Variants in IKBKB observed in about 807,000 individuals in gnomAD.
IKBKB encodes the protein inhibitor of nuclear factor kappa-B kinase subunit beta.
A neutral mutation model predicts 113.6 loss-of-function variants in IKBKB; 42 were observed. That is an observed-to-expected ratio of 0.37 (90% CI 0.29 to 0.48). The LOEUF (loss-of-function observed/expected upper bound fraction) is 0.48. Ranked by LOEUF, IKBKB falls within the 20% of genes least tolerant of loss-of-function variation. The probability of loss-of-function intolerance (pLI) is 0.99; values close to 1 mark genes in which losing one functional copy is unlikely to be tolerated. For missense variants in IKBKB, 673 were observed against 939.7 expected (o/e 0.72, Z 3.71); for synonymous variants, 296 against 361.3 (o/e 0.82, Z 2.05).
chr8:42,319,002 G>A (rs573849532), intron 13 of IKBKB: 15 of 553,094 alleles, frequency 2.7e-5, no homozygotes, highest in South Asian at 1.3e-4. Context: ...GGGGACTTAC[G>A]GACTCTTTCC....
At position 42,316,314 on chromosome 8, in the gene IKBKB, C is replaced by T. The variant is rs1453303207; in HGVS notation, c.905C>T (p.Ala302Val). The T allele has an allele frequency of 3.1e-6, 5 of 1,614,092 alleles. No homozygotes were observed. The East Asian group carries it at 1.1e-4, about 36-fold the overall frequency. Residue 302 changes from alanine to valine, a missense_variant, in exon 10 of 22, where the codon GCC (alanine) becomes GTC (valine). By Grantham distance (64) the Ala-to-Val change is moderately conservative. Coordinates refer to ENST00000520810, the MANE Select transcript of IKBKB (RefSeq NM_001556.3). This position sits in a 1 kb window ranked among gnomAD's most constrained non-coding sequence, Gnocchi z 4.5. ...TATGGGCCCAATGGCTGCTTCAAGG[C>T]CCTGGATGACATCTTAAACTTAAAG... Reference protein sequence around the residue: ...PTYGPNGCFKALDDILNLKLV... With the variant: ...PTYGPNGCFKVLDDILNLKLV...
chr8:42,276,860 ATTTT>A (rs764463407), intron 2 of IKBKB, among the ~76,000 whole-genome samples: 1 of 101,580 alleles, frequency 9.8e-6, no homozygotes. Flanking sequence ...CACCCGGCTA[ATTTT>A]TTTTTTTTTT....
intron 5 of IKBKB, among the ~76,000 whole-genome samples, chr8:42,293,826 A>G (rs139231452): frequency 1.3e-5 from 2 of 152,254 alleles, no homozygotes; most frequent in East Asian, 3.9e-4. Context: ...CCGGCGCTGG[A>G]ATAAGTTGTC....
In IKBKB at chr8:42,300,711, C is replaced by T. The variant is rs559417421; in HGVS notation, c.389-4476C>T. Among the ~76,000 whole-genome samples the T allele has an allele frequency of 3.9e-5, 6 of 152,292 alleles. No homozygotes were observed. The East Asian group carries it at 7.7e-4, about 20-fold the overall frequency. ...AAAGGCTGGGGTTACCACCGGGGCA[C>T]GGCTTCTGAGGAGGGTGAGAGAAGG... On this transcript the variant is annotated intron_variant, in intron 5 of 21. Coordinates refer to ENST00000520810, the MANE Select transcript of IKBKB (RefSeq NM_001556.3).
chr8:42,308,984 G>A lies in IKBKB; in HGVS notation c.651G>A (p.Thr217=), dbSNP rs1280519569. The change falls in exon 8 of 22, where the codon ACG becomes ACA. Residue 217 remains threonine (T), a synonymous_variant. Transcript: ENST00000520810. ...SFGTLAFECI[T]GFRPFLPNWQ... is the part of the protein sequence containing the mutation. ...GCACCCTGGCCTTTGAGTGCATCAC[G>A]GGCTTCCGGCCCTTCCTCCCCAACT... 8 of 1,614,202 alleles carry A rather than the reference G, an allele frequency of 5.0e-6. No individual in the cohort carries two copies. Among genetic ancestry groups the A allele is most frequent in the Admixed American group, 1.7e-5 (1 of 60,024 alleles).
chr8:42,305,786 T>C (rs1816397928), intron 6 of IKBKB, among the ~76,000 whole-genome samples: 1 of 152,204 alleles, frequency 6.6e-6, no homozygotes, highest in Non-Finnish European at 1.5e-5. Context: ...AAGCTTGACA[T>C]TGTGGTCTTT....
chr8:42,275,222 T>C (rs1000474651), intron 2 of IKBKB, among the ~76,000 whole-genome samples: 3 of 151,206 alleles, frequency 2.0e-5, no homozygotes, highest in Non-Finnish European at 4.4e-5. Flanking sequence ...AGGGTCTCAA[T>C]CTGTCATCCA....
At position 42,319,415 on chromosome 8, in the gene IKBKB, G is replaced by A; in HGVS notation, c.1510G>A (p.Gly504Arg). ...LEKYSEQTEF[G>R]ITSDKLLLAW... ...GAAGTACAGCGAGCAAACCGAGTTTGGGATCAGTGAGTGTGCACTTTGCAA... is the reference window on the plus strand; with the variant it reads ...GAAGTACAGCGAGCAAACCGAGTTTAGGATCAGTGAGTGTGCACTTTGCAA... Residue 504 changes from glycine to arginine, a missense_variant, in exon 14 of 22, where the codon GGG becomes AGG. Coordinates refer to ENST00000520810, the MANE Select transcript of IKBKB (RefSeq NM_001556.3). The A allele has an allele frequency of 6.8e-6, 11 of 1,614,180 alleles. No individual in the cohort carries two copies. Among genetic ancestry groups the A allele is most frequent in the Non-Finnish European group, 9.3e-6 (11 of 1,180,036 alleles).
intron 4 of IKBKB, among the ~76,000 whole-genome samples, chr8:42,290,514 G>C (rs1053253175): frequency 3.3e-5 from 5 of 152,108 alleles, no homozygotes; most frequent in Non-Finnish European, 7.4e-5. Context: ...TGCACACTCT[G>C]CTGGGATTAC....
chr8:42,292,811 T>A (rs1310983512), intron 4 of IKBKB, among the ~76,000 whole-genome samples: 1 of 152,180 alleles, frequency 6.6e-6, no homozygotes, highest in Admixed American at 6.5e-5. Context: ...AGCACTGCCC[T>A]CTCACAGCTG....
chr8:42,323,063 T>C (rs550505883), intron 19 of IKBKB, among the ~76,000 whole-genome samples: 73 of 152,354 alleles, frequency 4.8e-4, no homozygotes, highest in African/African-American at 1.7e-3. Flanking sequence ...CTTTGGTGTG[T>C]GACTCCAGTC....
chr8:42,330,984 G>C lies in IKBKB; in HGVS notation c.*5G>C. On this transcript the variant is annotated 3_prime_UTR_variant, in exon 22 of 22. Coordinates refer to ENST00000520810, the MANE Select transcript of IKBKB (RefSeq NM_001556.3). ...TGCCTGGAGCAGGCCTCATGATGTG[G>C]GGGGACTCGACCCCCTGACATGGGG... is the stretch of plus-strand genomic sequence containing the variant. 1 of 1,613,822 alleles carries C rather than the reference G, an allele frequency of 6.2e-7. No individual in the cohort carries two copies. The highest frequency in any genetic ancestry group is 1.1e-5 in the South Asian group (1 of 91,068).
rs200411015 is a variant in IKBKB, at chr8:42,291,971, TAAATA to T, written c.319-1463_319-1459del. Among the ~76,000 whole-genome samples the T allele has an allele frequency of 6.6e-3, 1,001 of 152,152 alleles. 8 individuals are homozygous for T. The highest frequency in any genetic ancestry group is 0.024 in the Middle Eastern group (7 of 294). On this transcript the variant is annotated intron_variant, in intron 4 of 21. Coordinates refer to ENST00000520810, the MANE Select transcript of IKBKB (RefSeq NM_001556.3). ...TCCTGTCTCAGAACAAAGAGACAGA[TAAATA>T]AAATAAAAGAAACTTTCCATGGGGC...
rs543535411 is a variant in IKBKB, at chr8:42,309,861, T to C, written c.692+836T>C. 2.6e-5 allele frequency: 4 copies of C among 152,480 alleles called. No individual in the cohort carries two copies. In the South Asian group the frequency reaches 8.3e-4, roughly 31 times the overall value. The allele number at this position is 152,480 out of a possible 1,614,324, so 9.4% of individuals were successfully genotyped here. A position where few individuals can be genotyped will look rare whatever the true frequency, so the allele number is the denominator to read the frequency against. ...TAAAAATTAAAGGATATGATGAAGA[T>C]TTGTAGAATTACCCTGTATTCTTTA... is the stretch of plus-strand genomic sequence containing the variant. On this transcript the variant is annotated intron_variant, in intron 8 of 21. Transcript: ENST00000520810.
rs1376091982 is a variant in IKBKB at position 42,316,489 on chromosome 8, A to G, written c.930+150A>G. The G allele has an allele frequency of 9.7e-7, 1 of 1,026,948 alleles. No homozygotes were observed. Among genetic ancestry groups the G allele is most frequent in the South Asian group, 1.7e-5 (1 of 60,184 alleles). The allele number at this position is 1,026,948 out of a possible 1,614,324, so 63.6% of individuals were successfully genotyped here. On this transcript the variant is annotated intron_variant, in intron 10 of 21. Coordinates refer to ENST00000520810, the MANE Select transcript of IKBKB (RefSeq NM_001556.3). The surrounding 1 kb of genome is among the most constrained non-coding windows in gnomAD (Gnocchi z 4.5). ...GTCTTTCTGCATAAGTAAAGAAAGG[A>G]CAGTTGTGCTAATTGACATTGGCTA...
chr8:42,303,088 AGAATGAG>A (rs1815666809), intron 5 of IKBKB, among the ~76,000 whole-genome samples: 12 of 129,746 alleles, frequency 9.2e-5, no homozygotes, highest in African/African-American at 4.1e-4. Context: ...AGAGAGAGAG[AGAATGAG>A]AGAGAGAGAG....
At chr8:42,309,127 C>A (rs1585719063) in intron 8 of IKBKB, 102 bp downstream of exon 8, 1 of 1,318,422 alleles carries the variant, frequency 7.6e-7, no homozygotes. Context: ...CCTGGGAGAT[C>A]TGTGTTGTTT....
intron 15 of IKBKB, chr8:42,319,852 C>T (rs1012722769): frequency 1.9e-6 from 1 of 534,110 alleles, no homozygotes; most frequent in Non-Finnish European, 3.3e-6. Context: ...GCAAGAGCTG[C>T]ATGAATGGAC....
At chr8:42,274,245 G>A (rs1260625557) in intron 2 of IKBKB, among the ~76,000 whole-genome samples, 5 of 152,108 alleles carry the variant, frequency 3.3e-5, no homozygotes, top group Admixed American at 3.3e-4. Context: ...GGCCATGCCG[G>A]TCTCAAACTC....
Sources: allele counts gnomAD v4.1 joint callset (sites outside exome capture counted in the v4.1 genomes callset), GRCh38; gene constraint gnomAD v4.1.1; non-coding constraint Gnocchi (gnomAD v3.1); transcripts MANE v1.5; gene names NCBI Gene and HGNC (gene_info 2026-07-23, HGNC 2026-07-21).